The following ZNF676 variants were observed in gnomAD, a reference collection of about 807,000 sequenced individuals.
ZNF676 encodes the protein zinc finger protein 676.
Under a neutral mutation model 6.0 loss-of-function variants are expected in ZNF676, and 4 were observed. The observed-to-expected ratio is 0.67, with a 90% CI of 0.33 to 1.53. The LOEUF (loss-of-function observed/expected upper bound fraction) is 1.53, where lower values mean the gene tolerates loss of function less well. ZNF676 is among the 40% of genes most tolerant of loss of function. ZNF676 has a pLI of 0.06. For synonymous variants in ZNF676, 198 were observed against 223.1 expected (o/e 0.89, Z 1.00); for missense variants, 644 against 679.7 (o/e 0.95, Z 0.58).
upstream of ZNF676, among the ~76,000 whole-genome samples, chr19:22,197,128 G>C (rs1055678470): frequency 6.6e-6 from 1 of 151,976 alleles, no homozygotes; most frequent in Admixed American, 6.6e-5. Flanking sequence ...TTCGAGACCA[G>C]CCTGACCAAC....
intron 2 of ZNF676, among the ~76,000 whole-genome samples, chr19:22,188,887 A>G (rs565527816): frequency 2.6e-5 from 4 of 152,326 alleles, no homozygotes; most frequent in African/African-American, 9.6e-5. Context: ...TTCCACGCTC[A>G]TGCATAGGAA....
chr19:22,212,781 G>T (rs926177562), intron 1 of ZNF676, among the ~76,000 whole-genome samples: 2 of 151,822 alleles, frequency 1.3e-5, no homozygotes, highest in Non-Finnish European at 2.9e-5. Context: ...TGGATCACGA[G>T]GTCAAGAGTT....
intron 2 of ZNF676, among the ~76,000 whole-genome samples, chr19:22,192,162 T>C (rs1399673695): frequency 1.3e-5 from 2 of 152,006 alleles, no homozygotes; most frequent in African/African-American, 4.8e-5. Flanking sequence ...CAAGTATAAG[T>C]TATGATTCCA....
chr19:22,208,643 T>G (rs1041473345), intron 1 of ZNF676, among the ~76,000 whole-genome samples: 1 of 152,200 alleles, frequency 6.6e-6, no homozygotes, highest in Non-Finnish European at 1.5e-5. Flanking sequence ...AATGGTAGAC[T>G]GGATACAGAA....
At chr19:22,241,108 C>G in the ZNF676 span, among the ~76,000 whole-genome samples, 77 of 152,008 alleles carry the variant, frequency 5.1e-4, 2 homozygotes, top group East Asian at 0.012. Flanking sequence ...GTCACATCAG[C>G]TAAGTGCTTG....
the ZNF676 span, among the ~76,000 whole-genome samples, chr19:22,224,280 T>G: frequency 6.6e-6 from 1 of 151,350 alleles, no homozygotes; most frequent in African/African-American, 2.4e-5. Flanking sequence ...CAGTGAATTT[T>G]TTTTGTTTTA....
chr19:22,211,208 A>G (rs2024126632), intron 1 of ZNF676, among the ~76,000 whole-genome samples: 1 of 151,692 alleles, frequency 6.6e-6, no homozygotes. Context: ...TTCTATCTTA[A>G]CCTTAACTGC....
At chr19:22,248,433 C>A in the ZNF676 span, among the ~76,000 whole-genome samples, 1 of 152,294 alleles carries the variant, frequency 6.6e-6, no homozygotes, top group Middle Eastern at 3.4e-3. Context: ...TTAATGATCA[C>A]ATGTAACAAA....
At chr19:22,211,676 A>T (rs2024130418) in intron 1 of ZNF676, among the ~76,000 whole-genome samples, 1 of 152,164 alleles carries the variant, frequency 6.6e-6, no homozygotes, top group African/African-American at 2.4e-5. Context: ...TTAAACTCAG[A>T]AATCAAAATA....
the ZNF676 span, among the ~76,000 whole-genome samples, chr19:22,233,729 C>T: frequency 6.7e-6 from 1 of 149,268 alleles, no homozygotes; most frequent in Non-Finnish European, 1.5e-5. Context: ...AGCACTTTGT[C>T]ACTTTGTGAC....
intron 2 of ZNF676, among the ~76,000 whole-genome samples, chr19:22,185,578 CT>C (rs1452406993): frequency 6.6e-6 from 1 of 150,850 alleles, no homozygotes; most frequent in African/African-American, 2.4e-5. Flanking sequence ...TAATAACAAA[CT>C]CCTCCAAGCT....
the ZNF676 span, among the ~76,000 whole-genome samples, chr19:22,234,612 T>C: frequency 2.0e-5 from 3 of 152,164 alleles, no homozygotes; most frequent in African/African-American, 7.2e-5. Flanking sequence ...AGTAGTTATC[T>C]GCAGAAAATG....
the ZNF676 span, among the ~76,000 whole-genome samples, chr19:22,235,384 A>G: frequency 1.3e-5 from 2 of 152,160 alleles, no homozygotes; most frequent in Admixed American, 1.3e-4. Flanking sequence ...GTCACTCAAT[A>G]AATGGGCCAG....
At chr19:22,203,419 A>C (rs1026248961) in intron 1 of ZNF676, 1 of 152,666 alleles carries the variant, frequency 6.6e-6, no homozygotes, top group Non-Finnish European at 1.5e-5. Context: ...GAAAGATTAT[A>C]TTGAGAGAAA....
chr19:22,196,130 T>C (rs1057305767), intron 1 of ZNF676, among the ~76,000 whole-genome samples: 5 of 152,176 alleles, frequency 3.3e-5, no homozygotes, highest in Admixed American at 2.6e-4. Flanking sequence ...TGTTGGGAGC[T>C]GAATGCCTGA....
At chr19:22,247,059 A>G in the ZNF676 span, among the ~76,000 whole-genome samples, 1 of 152,212 alleles carries the variant, frequency 6.6e-6, no homozygotes, top group Non-Finnish European at 1.5e-5. Context: ...GACTATACTG[A>G]GGAGAAAACT....
rs144268811 is a variant in ZNF676, at chr19:22,187,921, G to C, written c.130+5095C>G. Among the ~76,000 whole-genome samples the C allele has an allele frequency of 4.1e-3, 616 of 152,030 alleles. 5 individuals carry two copies. Among genetic ancestry groups the C allele is most frequent in the African/African-American group, 0.014 (584 of 41,472 alleles). ...ATGTCCAGAATCTGATGGATTCACA[G>C]CCTTTGTACCAGAGGTACAAAGAAG... On this transcript the variant is annotated intron_variant, in intron 2 of 2. Coordinates refer to ENST00000397121, the MANE Select transcript of ZNF676 (RefSeq NM_001001411.3).
At position 22,180,331 on chromosome 19, in the gene ZNF676, T is replaced by C. The variant is rs2023716174; in HGVS notation, c.1386A>G (p.Ser462=). The C allele has an allele frequency of 6.2e-7, 1 of 1,613,818 alleles. No homozygotes were observed. Among genetic ancestry groups the C allele is most frequent in the South Asian group, 1.1e-5 (1 of 91,068 alleles). ...EECGKAFTWS[S]SFTKHKRIHA... ...GAATTCTCTTGTGTTTAGTAAAGCT[T>C]GAGGACCAGGTGAAGGCTTTGCCAC... is the stretch of plus-strand genomic sequence containing the variant. The change falls in exon 3 of 3, where the codon TCA becomes TCG. Residue 462 remains serine, a synonymous_variant. Coordinates refer to ENST00000397121, the MANE Select transcript of ZNF676 (RefSeq NM_001001411.3).
chr19:22,232,282 C>G, the ZNF676 span, among the ~76,000 whole-genome samples: 1 of 152,014 alleles, frequency 6.6e-6, no homozygotes, highest in Non-Finnish European at 1.5e-5. Flanking sequence ...ATTCTCCTGC[C>G]TCAGCCTCCC....
Sources: gnomAD v4.1 joint callset for allele counts (sites outside exome capture counted in the v4.1 genomes callset) on GRCh38, gnomAD v4.1.1 for gene constraint, MANE v1.5 for transcripts, NCBI Gene and HGNC (gene_info 2026-07-23, HGNC 2026-07-21) for gene names.